Variants in OTOGL observed in about 807,000 individuals in gnomAD.
The protein encoded by OTOGL is otogelin-like protein.
In OTOGL, 285 loss-of-function variants were observed where a neutral mutation model predicts 318.5. The ratio of observed to expected loss-of-function variants is 0.89; its 90% CI spans 0.81 to 0.99. The LOEUF is 0.99. Ranked by LOEUF, OTOGL falls within the 50% of genes least tolerant of loss-of-function variation. OTOGL has a pLI of 0.00. For missense variants in OTOGL, 2,899 were observed against 2,845.6 expected, an observed-to-expected ratio of 1.02 and a Z score of -0.43; for synonymous variants, 987 against 936.5, an observed-to-expected ratio of 1.05 and a Z score of -0.99.
chr12:80,305,200 A>G (rs1592682202), intron 28 of OTOGL, among the ~76,000 whole-genome samples: 1 of 151,962 alleles, frequency 6.6e-6, no homozygotes, highest in Non-Finnish European at 1.5e-5. Flanking sequence ...TTACATATGT[A>G]TATATATATA....
At chr12:80,376,731 C>A (rs1173735646) in intron 57 of OTOGL, among the ~76,000 whole-genome samples, 1 of 151,902 alleles carries the variant, frequency 6.6e-6, no homozygotes, top group Non-Finnish European at 1.5e-5. Context: ...TGTAGTTATG[C>A]ATTAATTACA....
At chr12:80,183,990 T>G (rs565885045) in intron 1 of OTOGL, among the ~76,000 whole-genome samples, 1 of 152,312 alleles carries the variant, frequency 6.6e-6, no homozygotes, top group African/African-American at 2.4e-5. Flanking sequence ...TGGGTGATTA[T>G]TATGTATATT....
intron 1 of OTOGL, among the ~76,000 whole-genome samples, chr12:80,197,767 C>A (rs1432025741): frequency 6.6e-6 from 1 of 152,184 alleles, no homozygotes; most frequent in East Asian, 1.9e-4. Flanking sequence ...CCCGCAGAGG[C>A]GTGTGGTGGC....
intron 1 of OTOGL, among the ~76,000 whole-genome samples, chr12:80,150,114 A>G (rs920194736): frequency 2.0e-5 from 3 of 152,214 alleles, no homozygotes; most frequent in African/African-American, 7.2e-5. Context: ...AACCAAAAAA[A>G]TGAATGCCAA....
chr12:80,305,443 T>G, intron 28 of OTOGL, 133 bp from the exon 29 acceptor site: 1 of 868,630 alleles, frequency 1.2e-6, no homozygotes, highest in Non-Finnish European at 1.5e-6. Flanking sequence ...TTTCTTCAAG[T>G]TAATTTTTAA....
intron 1 of OTOGL, among the ~76,000 whole-genome samples, chr12:80,128,263 G>T (rs953813153): frequency 2.0e-5 from 3 of 152,200 alleles, no homozygotes; most frequent in African/African-American, 7.2e-5. Context: ...CTAACAGTCA[G>T]GACCCTCAGC....
At chr12:80,220,528 G>A (rs987615671) in intron 6 of OTOGL, among the ~76,000 whole-genome samples, 47 of 136,714 alleles carry the variant, frequency 3.4e-4, no homozygotes, top group Non-Finnish European at 9.9e-5. Flanking sequence ...TTATTATTTG[G>A]AGCCAGTCAT....
intron 1 of OTOGL, among the ~76,000 whole-genome samples, chr12:80,108,245 T>A (rs772334778): frequency 1.2e-4 from 19 of 152,124 alleles, no homozygotes; most frequent in Admixed American, 3.9e-4. Flanking sequence ...ACTTGCTTCC[T>A]TTTCAAATGG....
At chr12:80,254,655 T>G in intron 15 of OTOGL, 85 bp downstream of exon 15, 3 of 1,093,710 alleles carry the variant, frequency 2.7e-6, no homozygotes, top group Non-Finnish European at 4.1e-6. Context: ...TATGAAGACA[T>G]CTCATATATA....
intron 13 of OTOGL, 131 bp from the exon 14 acceptor site, chr12:80,253,335 G>T: frequency 1.3e-6 from 1 of 785,508 alleles, no homozygotes. Context: ...TAATCCCACT[G>T]AAAGTAAAGA....
chr12:80,168,364 T>A (rs1873965358), intron 1 of OTOGL, among the ~76,000 whole-genome samples: 1 of 152,166 alleles, frequency 6.6e-6, no homozygotes, highest in African/African-American at 2.4e-5. Flanking sequence ...TTAAAAAATA[T>A]AGCCTATAAG....
At chr12:80,228,410 C>A (rs886124667) in intron 7 of OTOGL, among the ~76,000 whole-genome samples, 1 of 152,102 alleles carries the variant, frequency 6.6e-6, no homozygotes, top group Non-Finnish European at 1.5e-5. Flanking sequence ...CCACTGCACT[C>A]CAGCGTGGGT....
At chr12:80,233,788 G>C (rs1879592727) in intron 9 of OTOGL, among the ~76,000 whole-genome samples, 1 of 152,166 alleles carries the variant, frequency 6.6e-6, no homozygotes, top group South Asian at 2.1e-4. Flanking sequence ...ACTGTTCTTA[G>C]TACCAGTGAA....
At chr12:80,285,100 A>C (rs1304114652) in intron 26 of OTOGL, among the ~76,000 whole-genome samples, 1 of 152,092 alleles carries the variant, frequency 6.6e-6, no homozygotes, top group East Asian at 1.9e-4. Context: ...GCATATGGTT[A>C]ACTTGTTTTC....
chr12:80,146,004 C>G (rs1872328738), intron 1 of OTOGL, among the ~76,000 whole-genome samples: 1 of 151,082 alleles, frequency 6.6e-6, no homozygotes, highest in African/African-American at 2.5e-5. Context: ...CATCTGTAAG[C>G]AGGGACAATT....
intron 37 of OTOGL, 79 bp from the exon 38 acceptor site, chr12:80,332,926 G>A (rs888606648): frequency 3.4e-6 from 4 of 1,166,530 alleles, no homozygotes; most frequent in Admixed American, 4.1e-5. Flanking sequence ...AAATTTCTTA[G>A]CACAGTTTCT....
chr12:80,157,877 G>A (rs780542503), intron 1 of OTOGL, among the ~76,000 whole-genome samples: 39 of 152,164 alleles, frequency 2.6e-4, no homozygotes, highest in Middle Eastern at 3.4e-3. Context: ...CCAGTCACTC[G>A]TGTGACTAAT....
intron 1 of OTOGL, among the ~76,000 whole-genome samples, chr12:80,152,041 G>A (rs1361298188): frequency 2.0e-5 from 3 of 152,092 alleles, no homozygotes; most frequent in Non-Finnish European, 4.4e-5. Context: ...ATAGATCTGA[G>A]GCCTCTTTCT....
chr12:80,371,306 C>T lies in OTOGL; in HGVS notation c.6735+617C>T, dbSNP rs553120394. Among the ~76,000 whole-genome samples the T allele has an allele frequency of 4.6e-5, 7 of 151,798 alleles. No homozygotes were observed. The South Asian group carries it at 1.2e-3, about 27-fold the overall frequency. On this transcript the variant is annotated intron_variant, in intron 56 of 58. Transcript: ENST00000547103. ...TCCTAATGAAAACTAGGCTTTGTTC[C>T]GTTGTATAGAGAAATAGTACAGTCT...
Sources: allele counts gnomAD v4.1 joint callset (sites outside exome capture counted in the v4.1 genomes callset), GRCh38; gene constraint gnomAD v4.1.1; transcripts MANE v1.5; gene names NCBI Gene and HGNC (gene_info 2026-07-23, HGNC 2026-07-21).